The following UNC5B variants were observed in gnomAD, a reference collection of about 807,000 sequenced individuals.
UNC5B encodes unc-5 netrin receptor B, also known as netrin receptor UNC5B.
Under a neutral mutation model 103.7 loss-of-function variants are expected in UNC5B, and 56 were observed. The observed-to-expected ratio is 0.54, with a 90% CI of 0.44 to 0.67. UNC5B has a LOEUF of 0.67. Among genes scored for constraint, UNC5B ranks in the 30% least tolerant of loss-of-function variants. The pLI is 0.00. For synonymous variants in UNC5B, 577 were observed against 542.0 expected, an observed-to-expected ratio of 1.06 and a Z score of -0.90; for missense variants, 1,194 against 1,284.5, an observed-to-expected ratio of 0.93 and a Z score of 1.08.
At chr10:71,262,445 G>A (rs1057098092) in intron 1 of UNC5B, among the ~76,000 whole-genome samples, 2 of 152,060 alleles carry the variant, frequency 1.3e-5, no homozygotes, top group Admixed American at 1.3e-4. Flanking sequence ...TGCTTTCAGA[G>A]TCATCGTTGG....
rs576602880 is a variant in UNC5B at position 71,291,089 on chromosome 10, A to G, written c.1274A>G (p.Asn425Ser). The change falls in exon 9 of 17, where the codon AAC becomes AGC. Residue 425 changes from asparagine (N) to serine (S), a missense_variant. Asn to Ser is a conservative substitution (Grantham distance 46). Coordinates refer to ENST00000335350, the MANE Select transcript of UNC5B (RefSeq NM_170744.5). ...AALTGGFHPV[N>S]FKTARPSNPQ... is the part of the protein sequence containing the mutation. Reference sequence around the variant, plus strand: ...CTGACTGGTGGTTTCCACCCCGTCAACTTTAAGACGGCAAGGCCCAGTAAG... The same window carrying G: ...CTGACTGGTGGTTTCCACCCCGTCAGCTTTAAGACGGCAAGGCCCAGTAAG... 5.8e-5 allele frequency: 94 copies of G among 1,613,936 alleles called. No homozygotes were observed. In the East Asian group the frequency reaches 2.0e-3, roughly 34 times the overall value.
intron 1 of UNC5B, among the ~76,000 whole-genome samples, chr10:71,274,458 G>A (rs527898009): frequency 1.3e-5 from 2 of 152,310 alleles, no homozygotes; most frequent in East Asian, 3.9e-4. Context: ...TAACTATTAG[G>A]TCTGTCCGAA....
Position 71,293,880 on chromosome 10 carries a change from C to A in UNC5B, c.2122C>A (p.Leu708Met). The change falls in exon 13 of 17, where the codon CTG becomes ATG. Residue 708 changes from leucine to methionine, a missense_variant. Leu to Met is a conservative substitution (Grantham distance 15). Coordinates refer to ENST00000335350, the MANE Select transcript of UNC5B (RefSeq NM_170744.5). ...AVFAPALCTSLEYSLRVYCLE... is the reference protein window; with the variant it reads ...AVFAPALCTSMEYSLRVYCLE... ...CTTCGCCCCCGCCCTCTGCACCTCC[C>A]TGGAGTACAGCCTCCGGGTCTACTG... 1 of 1,607,242 alleles carries A rather than the reference C, an allele frequency of 6.2e-7. No homozygotes were observed.
rs1843280184 is a variant in UNC5B at position 71,213,770 on chromosome 10, G to C, written c.79+706G>C. ...GTGTGTGTGTGTGTGTGTTGGATGC[G>C]GGTAGGGGTTCTTAGCGATCCTGCG... On this transcript the variant is annotated intron_variant, in intron 1 of 16. Transcript: ENST00000335350. The surrounding 1 kb of genome is among the most constrained non-coding windows in gnomAD (Gnocchi z 4.1). Among the ~76,000 whole-genome samples the C allele has an allele frequency of 8.8e-6, 1 of 113,648 alleles. No homozygotes were observed. Among genetic ancestry groups the C allele is most frequent in the Non-Finnish European group, 1.9e-5 (1 of 52,750 alleles). The allele number at this position is 113,648 out of a possible 152,430, so 74.6% of individuals were successfully genotyped here.
chr10:71,227,613 T>TATATATAC (rs1381563359), intron 1 of UNC5B, among the ~76,000 whole-genome samples: 3 of 143,704 alleles, frequency 2.1e-5, no homozygotes, highest in Admixed American at 7.0e-5. Flanking sequence ...CATATATACA[T>TATATATAC]ATATATACAT....
At chr10:71,290,581 C>A (rs1371372085) in intron 8 of UNC5B, among the ~76,000 whole-genome samples, 1 of 152,242 alleles carries the variant, frequency 6.6e-6, no homozygotes, top group African/African-American at 2.4e-5. Context: ...CCAGCACTCA[C>A]AGGGCAAATT....
At chr10:71,272,779 C>G (rs1844677141) in intron 1 of UNC5B, among the ~76,000 whole-genome samples, 2 of 152,232 alleles carry the variant, frequency 1.3e-5, no homozygotes, top group South Asian at 4.1e-4. Context: ...CAGATGGTGC[C>G]AGGCCAAGGA....
chr10:71,267,784 G>C (rs538234119), intron 1 of UNC5B, among the ~76,000 whole-genome samples: 13 of 152,338 alleles, frequency 8.5e-5, no homozygotes, highest in African/African-American at 2.9e-4. Context: ...AGTGCCACCT[G>C]TCTCCCCATA....
intron 1 of UNC5B, among the ~76,000 whole-genome samples, chr10:71,269,030 G>A (rs965009289): frequency 5.3e-5 from 8 of 152,212 alleles, no homozygotes; most frequent in Non-Finnish European, 1.0e-4. Flanking sequence ...GCGGGGGCTG[G>A]TGGGGGGAGA....
chr10:71,272,479 C>A (rs1844669968), intron 1 of UNC5B, among the ~76,000 whole-genome samples: 1 of 152,202 alleles, frequency 6.6e-6, no homozygotes, highest in Non-Finnish European at 1.5e-5. Context: ...GGCAACAGGG[C>A]TGACCGGAAG....
At chr10:71,278,399 C>CTG (rs1844824718) in intron 1 of UNC5B, among the ~76,000 whole-genome samples, 1 of 152,076 alleles carries the variant, frequency 6.6e-6, no homozygotes, top group South Asian at 2.1e-4. Context: ...TCCCTGGGCC[C>CTG]TACAGAACAT....
intron 5 of UNC5B, among the ~76,000 whole-genome samples, chr10:71,287,196 T>G (rs1845111061): frequency 6.6e-6 from 1 of 152,182 alleles, no homozygotes; most frequent in African/African-American, 2.4e-5. Context: ...TGAGCTATTC[T>G]CTGCTGCCCC....
Position 71,223,944 on chromosome 10 carries a change from A to G in UNC5B, c.79+10880A>G, listed in dbSNP as rs556255438. On this transcript the variant is annotated intron_variant, in intron 1 of 16. Coordinates refer to ENST00000335350, the MANE Select transcript of UNC5B (RefSeq NM_170744.5). ...GCAGGAGCTGGGCTTGGTGCAGGAG[A>G]GCAGTTCTGGCCATGGGGTCTGGCT... Among the ~76,000 whole-genome samples, 24 of 152,244 alleles carry G rather than the reference A, an allele frequency of 1.6e-4. No homozygotes were observed. The South Asian group carries it at 3.1e-3, about 20-fold the overall frequency.
intron 1 of UNC5B, among the ~76,000 whole-genome samples, chr10:71,215,176 T>A (rs116753184): frequency 0.015 from 2,333 of 152,314 alleles, 62 homozygotes; most frequent in African/African-American, 0.052. Flanking sequence ...TTCCATTGGA[T>A]CCTTCACAAG....
At chr10:71,234,651 A>G (rs1464112819) in intron 1 of UNC5B, among the ~76,000 whole-genome samples, 1 of 152,168 alleles carries the variant, frequency 6.6e-6, no homozygotes, top group African/African-American at 2.4e-5. Flanking sequence ...GAGAAGCCTA[A>G]TAGCTCAGTG....
intron 1 of UNC5B, among the ~76,000 whole-genome samples, chr10:71,222,308 A>G (rs1843468435): frequency 1.9e-5 from 1 of 52,362 alleles, no homozygotes; most frequent in African/African-American, 3.9e-5. Context: ...TTCTAGGGCC[A>G]GAGGTCTCTT....
chr10:71,277,523 G>GA, intron 1 of UNC5B, among the ~76,000 whole-genome samples: 1 of 152,362 alleles, frequency 6.6e-6, no homozygotes, highest in East Asian at 1.9e-4. Context: ...GAGCTGTCTG[G>GA]CCTGGCAGGG....
chr10:71,229,480 C>T (rs1341719909), intron 1 of UNC5B, among the ~76,000 whole-genome samples: 3 of 152,226 alleles, frequency 2.0e-5, no homozygotes, highest in Non-Finnish European at 4.4e-5. Context: ...TCCTGAGGAG[C>T]CTGCAGAGGG....
intron 1 of UNC5B, among the ~76,000 whole-genome samples, chr10:71,241,232 G>T (rs557366159): frequency 6.6e-6 from 1 of 152,324 alleles, no homozygotes; most frequent in Admixed American, 6.5e-5. Context: ...AGTTAGCTGT[G>T]ATTCACTTTA....
Sources: gnomAD v4.1 joint callset for allele counts (sites outside exome capture counted in the v4.1 genomes callset) on GRCh38, gnomAD v4.1.1 for gene constraint, Gnocchi (gnomAD v3.1) non-coding constraint, MANE v1.5 for transcripts, NCBI Gene and HGNC (gene_info 2026-07-23, HGNC 2026-07-21) for gene names.